CDH13: variants seen among roughly 807,000 people sequenced by gnomAD.
CDH13 encodes the protein cadherin-13.
In CDH13, 24 loss-of-function variants were observed where a neutral mutation model predicts 63.8. The ratio of observed to expected loss-of-function variants is 0.38; its 90% CI spans 0.27 to 0.53. The LOEUF is 0.53. CDH13 is among the 20% of genes least tolerant of loss of function. CDH13 has a pLI of 0.85. For synonymous variants in CDH13, 503 were observed against 355.3 expected (o/e 1.42, Z -4.67); for missense variants, 1,049 against 903.1 (o/e 1.16, Z -2.07).
At chr16:82,702,187 C>A (rs528263403) in intron 1 of CDH13, among the ~76,000 whole-genome samples, 6 of 152,084 alleles carry the variant, frequency 3.9e-5, no homozygotes, top group Non-Finnish European at 8.8e-5. Flanking sequence ...CCTGAAACAC[C>A]CTCTGTGGCT....
At chr16:83,611,211 G>A (rs77824316) in intron 8 of CDH13, among the ~76,000 whole-genome samples, 1 of 151,858 alleles carries the variant, frequency 6.6e-6, no homozygotes, top group East Asian at 1.9e-4. Flanking sequence ...TATACATGTT[G>A]CAATTTTTTT....
At chr16:82,806,621 C>T (rs1315189731) in intron 1 of CDH13, among the ~76,000 whole-genome samples, 1 of 152,056 alleles carries the variant, frequency 6.6e-6, no homozygotes, top group Admixed American at 6.6e-5. Flanking sequence ...TTTCAGACTG[C>T]CTGATGGGAA....
intron 7 of CDH13, among the ~76,000 whole-genome samples, chr16:83,552,906 C>T (rs2075533148): frequency 6.6e-6 from 1 of 152,138 alleles, no homozygotes; most frequent in Non-Finnish European, 1.5e-5. Context: ...TGGTGAAACC[C>T]TGTCTCTACT....
chr16:83,396,634 T>G (rs908228887), intron 6 of CDH13: 1 of 144,396 alleles, frequency 6.9e-6, no homozygotes, highest in Non-Finnish European at 1.5e-5. Flanking sequence ...AAGATGAAGG[T>G]AGGGTGGCCA....
At chr16:82,958,886 C>G (rs1455665606) in intron 2 of CDH13, among the ~76,000 whole-genome samples, 4 of 152,244 alleles carry the variant, frequency 2.6e-5, no homozygotes, top group African/African-American at 9.6e-5. Flanking sequence ...GAACCTTCCA[C>G]CTGGGAAGAT....
chr16:82,753,844 C>T, intron 1 of CDH13, among the ~76,000 whole-genome samples: 1 of 152,302 alleles, frequency 6.6e-6, no homozygotes, highest in East Asian at 1.9e-4. Context: ...TTGGTCCAGT[C>T]CTGGGCACCC....
At chr16:83,429,771 T>G (rs898747282) in intron 6 of CDH13, among the ~76,000 whole-genome samples, 6 of 152,180 alleles carry the variant, frequency 3.9e-5, no homozygotes, top group Admixed American at 1.3e-4. Flanking sequence ...TTTATTTTAT[T>G]TTATTGTGGT....
intron 4 of CDH13, among the ~76,000 whole-genome samples, chr16:83,145,583 G>A (rs949900747): frequency 2.0e-5 from 3 of 152,136 alleles, no homozygotes; most frequent in Non-Finnish European, 2.9e-5. Flanking sequence ...CATCATTCAG[G>A]GTCCCACTTT....
At chr16:83,183,401 G>A (rs1466073909) in intron 4 of CDH13, among the ~76,000 whole-genome samples, 1 of 152,164 alleles carries the variant, frequency 6.6e-6, no homozygotes, top group Non-Finnish European at 1.5e-5. Context: ...GTGAAGCCAT[G>A]GATTTGTTTC....
At chr16:83,516,228 A>AGAAT (rs2074696201) in intron 7 of CDH13, among the ~76,000 whole-genome samples, 1 of 152,234 alleles carries the variant, frequency 6.6e-6, no homozygotes, top group South Asian at 2.1e-4. Context: ...ATAGTGCCAA[A>AGAAT]GAATGAGAAG....
chr16:83,401,523 A>C (rs541731398), intron 6 of CDH13, among the ~76,000 whole-genome samples: 1 of 152,218 alleles, frequency 6.6e-6, no homozygotes, highest in African/African-American at 2.4e-5. Flanking sequence ...AAATAAAATA[A>C]AGTAAAATAA....
At chr16:83,652,251 C>G (rs1472342853) in intron 8 of CDH13, among the ~76,000 whole-genome samples, 30 of 152,334 alleles carry the variant, frequency 2.0e-4, no homozygotes, top group African/African-American at 6.7e-4. Flanking sequence ...AAATTAGAAG[C>G]TGTAAGTCAA....
chr16:83,671,101 C>G, intron 9 of CDH13, 129 bp downstream of exon 9: 3 of 805,844 alleles, frequency 3.7e-6, no homozygotes, highest in Non-Finnish European at 5.9e-6. Context: ...TGGGAATTAA[C>G]AAAGGAAAAG....
In CDH13 at chr16:83,588,664, G is replaced by A. The variant is rs569168275; in HGVS notation, c.961-13790G>A. 3.4e-3 allele frequency among the ~76,000 whole-genome samples: 521 copies of A among 152,254 alleles called. 1 individual carries two copies. Among genetic ancestry groups the A allele is most frequent in the African/African-American group, 0.012 (489 of 41,530 alleles). On this transcript the variant is annotated intron_variant, in intron 7 of 13. Coordinates refer to ENST00000567109, the MANE Select transcript of CDH13 (RefSeq NM_001257.5). ...ACAGGCACCAAAGGGAAGCTTCTCC[G>A]GTACTTGATATTTACCACTTTGTAG...
rs746233082 is a variant in CDH13, at chr16:83,795,011, C to G, written c.2135-12C>G. 18 of 1,594,448 alleles carry G rather than the reference C, an allele frequency of 1.1e-5. No individual in the cohort carries two copies. Among genetic ancestry groups the G allele is most frequent in the Middle Eastern group, 1.6e-4 (1 of 6,066 alleles). On this transcript the variant is annotated splice_polypyrimidine_tract_variant and intron_variant, in intron 13 of 13. Coordinates refer to ENST00000567109, the MANE Select transcript of CDH13 (RefSeq NM_001257.5). ...GATATTCCCGACTTAACTCTGAACC[C>G]TCTCTATTCAGGTCTGTGAGAACTC...
chr16:83,571,423 C>T (rs1316528577), intron 7 of CDH13, among the ~76,000 whole-genome samples: 1 of 151,966 alleles, frequency 6.6e-6, no homozygotes, highest in African/African-American at 2.4e-5. Flanking sequence ...AAAAAACTGG[C>T]CCTTAAAGCA....
At chr16:82,749,978 T>C (rs1210861285) in intron 1 of CDH13, among the ~76,000 whole-genome samples, 1 of 152,132 alleles carries the variant, frequency 6.6e-6, no homozygotes, top group Non-Finnish European at 1.5e-5. Context: ...TGTTTAGGCA[T>C]TATGGGGAGG....
intron 10 of CDH13, among the ~76,000 whole-genome samples, chr16:83,695,176 C>T (rs1381007405): frequency 6.6e-6 from 1 of 152,096 alleles, no homozygotes; most frequent in Non-Finnish European, 1.5e-5. Context: ...CACTGTACTC[C>T]AGCCTGGGCA....
At chr16:82,836,172 A>ACTGGAGTGCATTGGCGCCCAGG (rs1018298631) in intron 1 of CDH13, among the ~76,000 whole-genome samples, 10 of 152,012 alleles carry the variant, frequency 6.6e-5, no homozygotes, top group African/African-American at 2.2e-4. Flanking sequence ...TGTTGCCCAG[A>ACTGGAGTGCATTGGCGCCCAGG]CTGGAGTGCA....
Sources: gnomAD v4.1 joint callset for allele counts (sites outside exome capture counted in the v4.1 genomes callset) on GRCh38, gnomAD v4.1.1 for gene constraint, MANE v1.5 for transcripts, NCBI Gene and HGNC (gene_info 2026-07-23, HGNC 2026-07-21) for gene names.